The following GRIP1 variants were observed in gnomAD, a reference collection of about 807,000 sequenced individuals.
GRIP1 encodes the protein glutamate receptor-interacting protein 1.
A neutral mutation model predicts 129.9 loss-of-function variants in GRIP1; 45 were observed. The ratio of observed to expected loss-of-function variants is 0.35; its 90% CI spans 0.27 to 0.44. The LOEUF (loss-of-function observed/expected upper bound fraction) is 0.44. GRIP1 is among the 20% of genes least tolerant of loss of function. The pLI, the probability that GRIP1 is intolerant of heterozygous loss-of-function variation, is 1.00. For synonymous variants in GRIP1, 530 were observed against 520.8 expected (o/e 1.02, Z -0.24); for missense variants, 1,196 against 1,396.8 (o/e 0.86, Z 2.29).
intron 19 of GRIP1, among the ~76,000 whole-genome samples, chr12:66,385,646 A>G (rs2056325363): frequency 6.6e-6 from 1 of 152,068 alleles, no homozygotes; most frequent in African/African-American, 2.4e-5. Context: ...ATCTCACTCT[A>G]TCGCCCAGGC....
intron 2 of GRIP1, among the ~76,000 whole-genome samples, chr12:66,572,848 C>T (rs988109935): frequency 1.3e-5 from 2 of 152,102 alleles, no homozygotes; most frequent in African/African-American, 4.8e-5. Context: ...GTAGGCCTGA[C>T]TTGGTATGCC....
intron 1 of GRIP1, among the ~76,000 whole-genome samples, chr12:66,713,951 T>C (rs2035789296): frequency 1.3e-5 from 2 of 152,030 alleles, no homozygotes; most frequent in Non-Finnish European, 2.9e-5. Flanking sequence ...TCTTTAGAGA[T>C]AGGCAAGGGT....
chr12:66,585,774 G>A lies in GRIP1; in HGVS notation c.136+11073C>T, dbSNP rs555555549. On this transcript the variant is annotated intron_variant, in intron 2 of 24. Coordinates refer to ENST00000359742, the MANE Select transcript of GRIP1 (RefSeq NM_001366722.1). Reference sequence around the variant, plus strand: ...TCCTCTCCAGCACCTGTTGTTTCCTGACTTTTTAATGATCGCCATTCTAAC... The same window carrying A: ...TCCTCTCCAGCACCTGTTGTTTCCTAACTTTTTAATGATCGCCATTCTAAC... Among the ~76,000 whole-genome samples, 564 of 150,752 alleles carry A rather than the reference G, an allele frequency of 3.7e-3. 3 individuals are homozygous for A. The highest frequency in any genetic ancestry group is 0.013 in the African/African-American group (537 of 41,044).
intron 19 of GRIP1, among the ~76,000 whole-genome samples, chr12:66,388,798 T>G (rs1237499344): frequency 6.6e-6 from 1 of 152,222 alleles, no homozygotes; most frequent in Admixed American, 6.5e-5. Flanking sequence ...GGCCACTGTT[T>G]GTTTATTTGT....
intron 7 of GRIP1, among the ~76,000 whole-genome samples, chr12:66,471,035 T>G (rs1426073525): frequency 6.6e-6 from 1 of 152,146 alleles, no homozygotes; most frequent in African/African-American, 2.4e-5. Context: ...TCGACTGCCA[T>G]GATTCCCTAC....
At chr12:66,512,050 CTCT>C (rs1165293839) in intron 7 of GRIP1, among the ~76,000 whole-genome samples, 1 of 152,102 alleles carries the variant, frequency 6.6e-6, no homozygotes, top group East Asian at 1.9e-4. Context: ...CTCTTTCTCT[CTCT>C]TGTCACAATG....
intron 1 of GRIP1, among the ~76,000 whole-genome samples, chr12:66,931,944 T>C (rs915952921): frequency 6.6e-6 from 1 of 152,246 alleles, no homozygotes; most frequent in Non-Finnish European, 1.5e-5. Context: ...AACATTTGTA[T>C]GGTTTGTGGC....
intron 1 of GRIP1, among the ~76,000 whole-genome samples, chr12:66,789,257 G>A (rs2038452999): frequency 6.6e-6 from 1 of 152,106 alleles, no homozygotes; most frequent in Admixed American, 6.6e-5. Flanking sequence ...TAAGTCGGAT[G>A]GGCAGCTTGT....
chr12:66,548,707 G>T (rs928459878), intron 2 of GRIP1, among the ~76,000 whole-genome samples: 12 of 152,248 alleles, frequency 7.9e-5, no homozygotes, highest in African/African-American at 2.9e-4. Flanking sequence ...AGGCCCCAAG[G>T]TTTCCAACTT....
chr12:66,507,293 C>A (rs547174994), intron 7 of GRIP1, among the ~76,000 whole-genome samples: 2 of 152,018 alleles, frequency 1.3e-5, no homozygotes, highest in Admixed American at 6.6e-5. Flanking sequence ...AAAAAATTAG[C>A]CGGGCATGGT....
At chr12:66,510,331 G>T (rs2138869869) in intron 7 of GRIP1, among the ~76,000 whole-genome samples, 2 of 152,192 alleles carry the variant, frequency 1.3e-5, no homozygotes, top group South Asian at 4.2e-4. Context: ...ACTACTGGAT[G>T]GTCTCAGAGC....
chr12:66,483,114 C>A lies in GRIP1; in HGVS notation c.725-17692G>T, dbSNP rs535758536. On this transcript the variant is annotated intron_variant, in intron 7 of 24. Coordinates refer to ENST00000359742, the MANE Select transcript of GRIP1 (RefSeq NM_001366722.1). The stretch of plus-strand genomic sequence containing the variant: ...AGTGCAAGGCTTGATTAGAACCTCC[C>A]GGGGGTAGTGGAAAGGCTGTGCATG... Among the ~76,000 whole-genome samples the A allele has an allele frequency of 2.0e-5, 3 of 152,200 alleles. No homozygotes were observed. The South Asian group carries it at 6.3e-4, about 32-fold the overall frequency.
chr12:67,044,177 T>C (rs1344803047), intron 1 of GRIP1, among the ~76,000 whole-genome samples: 1 of 152,234 alleles, frequency 6.6e-6, no homozygotes, highest in Non-Finnish European at 1.5e-5. Flanking sequence ...ACCAGCTCAT[T>C]CCCAGGGGGA....
At chr12:66,606,500 CT>C (rs1254458238) in intron 1 of GRIP1, among the ~76,000 whole-genome samples, 1 of 151,910 alleles carries the variant, frequency 6.6e-6, no homozygotes, top group Non-Finnish European at 1.5e-5. Context: ...GTAAATGATA[CT>C]AATAACTTTA....
At chr12:66,390,984 C>A (rs2056562520) in intron 19 of GRIP1, among the ~76,000 whole-genome samples, 1 of 152,186 alleles carries the variant, frequency 6.6e-6, no homozygotes, top group Non-Finnish European at 1.5e-5. Context: ...ATGAAAGTAA[C>A]AACTTGACAA....
At chr12:66,631,623 CTTTT>C (rs76412175) in intron 1 of GRIP1, among the ~76,000 whole-genome samples, 34,000 of 151,954 alleles carry the variant, frequency 0.22, 3,839 homozygotes, top group Middle Eastern at 0.25. Flanking sequence ...CTCTCTCTCT[CTTTT>C]TAATACGATG....
At chr12:66,587,980 A>T (rs2063705596) in intron 2 of GRIP1, among the ~76,000 whole-genome samples, 1 of 152,040 alleles carries the variant, frequency 6.6e-6, no homozygotes, top group African/African-American at 2.4e-5. Flanking sequence ...TTTTAAAAGA[A>T]TTTGTGTATC....
chr12:66,904,006 A>G (rs922541892), intron 1 of GRIP1, among the ~76,000 whole-genome samples: 1 of 152,204 alleles, frequency 6.6e-6, no homozygotes, highest in Non-Finnish European at 1.5e-5. Flanking sequence ...GATACTGGGT[A>G]TTTCTTCAGC....
At chr12:66,830,366 G>C (rs927119144) in intron 1 of GRIP1, among the ~76,000 whole-genome samples, 4 of 152,122 alleles carry the variant, frequency 2.6e-5, no homozygotes, top group African/African-American at 9.7e-5. Flanking sequence ...CATGAGGGAG[G>C]TAAGAAGGTG....
Sources: gnomAD v4.1 joint callset for allele counts (sites outside exome capture counted in the v4.1 genomes callset) on GRCh38, gnomAD v4.1.1 for gene constraint, MANE v1.5 for transcripts, NCBI Gene and HGNC (gene_info 2026-07-23, HGNC 2026-07-21) for gene names.